Variants in FBLN2 observed in about 807,000 individuals in gnomAD.
FBLN2 encodes the protein fibulin 2, also known as fibulin-2.
A neutral mutation model predicts 123.7 loss-of-function variants in FBLN2; 81 were observed. The observed-to-expected ratio is 0.65, with a 90% confidence interval of 0.55 to 0.79. FBLN2 has a LOEUF of 0.79. Among genes scored for constraint, FBLN2 ranks in the 30% least tolerant of loss-of-function variants. The probability of loss-of-function intolerance (pLI) is 0.00; values close to 1 mark genes in which losing one functional copy is unlikely to be tolerated. For missense variants in FBLN2, 1,603 were observed against 1,681.3 expected (o/e 0.95, Z 0.81); for synonymous variants, 699 against 701.4 (o/e 1.00, Z 0.05).
chr3:13,549,911 C>G (rs1224384745), intron 1 of FBLN2, among the ~76,000 whole-genome samples: 2 of 152,200 alleles, frequency 1.3e-5, no homozygotes, highest in Admixed American at 6.5e-5. Flanking sequence ...CCGAGGCATG[C>G]CTCTAGCAGA....
intron 1 of FBLN2, among the ~76,000 whole-genome samples, chr3:13,560,490 C>T (rs190624963): frequency 6.6e-6 from 1 of 152,140 alleles, no homozygotes; most frequent in Non-Finnish European, 1.5e-5. Context: ...TCTCACACCA[C>T]CCACCTGTGT....
At chr3:13,620,233 G>T (rs1057233559) in intron 8 of FBLN2, among the ~76,000 whole-genome samples, 2 of 152,204 alleles carry the variant, frequency 1.3e-5, no homozygotes, top group East Asian at 1.9e-4. Flanking sequence ...GAGAATTTGT[G>T]CTTCTAACAA....
At chr3:13,554,506 G>A (rs2138519) in intron 1 of FBLN2, among the ~76,000 whole-genome samples, 116,202 of 152,174 alleles carry the variant, frequency 0.76, 45,567 homozygotes, top group East Asian at 1. Flanking sequence ...GCATGCATGC[G>A]CGTGCCCACA....
chr3:13,630,611 T>C, intron 14 of FBLN2, 88 bp from the exon 15 acceptor site: 2 of 1,105,340 alleles, frequency 1.8e-6, no homozygotes, highest in Non-Finnish European at 2.6e-6. Context: ...CCGGGGAGCT[T>C]GGTGGGCCTG....
At chr3:13,576,060 T>G (rs943424535) in intron 2 of FBLN2, among the ~76,000 whole-genome samples, 1 of 152,168 alleles carries the variant, frequency 6.6e-6, no homozygotes, top group Non-Finnish European at 1.5e-5. Flanking sequence ...GAAGCAGAGT[T>G]GGCAGGGGTG....
Position 13,609,751 on chromosome 3 carries a change from C to T in FBLN2, c.1548+109C>T, listed in dbSNP as rs538293252. 94 of 1,349,110 alleles carry T rather than the reference C, an allele frequency of 7.0e-5. No homozygotes were observed. In the South Asian group the frequency reaches 1.2e-3, roughly 17 times the overall value. The allele number at this position is 1,349,110 out of a possible 1,614,324, so 83.6% of individuals were successfully genotyped here. A position where few individuals can be genotyped will look rare whatever the true frequency, so the allele number is the denominator to read the frequency against. On this transcript the variant is annotated intron_variant, in intron 4 of 17. Coordinates refer to ENST00000404922, the MANE Select transcript of FBLN2 (RefSeq NM_001004019.2). ...AAGAAGTTAGGCTGTCCTTGGGGCT[C>T]CTCCTGGGAGTGACCCTCACGCCTG...
intron 1 of FBLN2, among the ~76,000 whole-genome samples, chr3:13,567,675 A>T (rs1703790324): frequency 6.6e-6 from 1 of 151,968 alleles, no homozygotes; most frequent in African/African-American, 2.4e-5. Context: ...TCCTTTCTTA[A>T]AAGACACTGT....
intron 2 of FBLN2, among the ~76,000 whole-genome samples, chr3:13,601,420 A>T (rs1464953319): frequency 6.6e-6 from 1 of 152,348 alleles, no homozygotes; most frequent in East Asian, 1.9e-4. Flanking sequence ...GGGACGAGAC[A>T]TTGAATGGTG....
chr3:13,572,810 G>A (rs573299423), intron 2 of FBLN2, among the ~76,000 whole-genome samples: 1 of 152,360 alleles, frequency 6.6e-6, no homozygotes, highest in East Asian at 1.9e-4. Context: ...CCACGAGGCT[G>A]ACCCCTTCCT....
chr3:13,579,625 C>G (rs1186873171), intron 2 of FBLN2, among the ~76,000 whole-genome samples: 1 of 152,184 alleles, frequency 6.6e-6, no homozygotes, highest in African/African-American at 2.4e-5. Context: ...ATGGAAAGTC[C>G]CCTTTCTGTG....
At chr3:13,555,675 C>T (rs1037262541) in intron 1 of FBLN2, among the ~76,000 whole-genome samples, 6 of 152,098 alleles carry the variant, frequency 3.9e-5, no homozygotes, top group South Asian at 2.1e-4. Context: ...AGGATGGTCT[C>T]GATCTCCTGA....
In FBLN2 at chr3:13,609,954, G is replaced by A. The variant is rs1022599548; in HGVS notation, c.1548+312G>A. Among the ~76,000 whole-genome samples, 37 of 152,342 alleles carry A rather than the reference G, an allele frequency of 2.4e-4. 1 individual carries two copies. The highest frequency in any genetic ancestry group is 1.5e-3 in the East Asian group (8 of 5,190). ...ATTTCTTTCTGGCCAGGAAGACAGA[G>A]GAAGATCACGATGAATATTTTAGCA... On this transcript the variant is annotated intron_variant, in intron 4 of 17. Coordinates refer to ENST00000404922, the MANE Select transcript of FBLN2 (RefSeq NM_001004019.2).
At chr3:13,569,983 T>C (rs936327628) in intron 1 of FBLN2, among the ~76,000 whole-genome samples, 1 of 152,070 alleles carries the variant, frequency 6.6e-6, no homozygotes, top group Non-Finnish European at 1.5e-5. Flanking sequence ...TGTGCATGTG[T>C]GTGTGTGGGC....
intron 10 of FBLN2, among the ~76,000 whole-genome samples, chr3:13,627,151 G>A (rs1230223019): frequency 6.6e-6 from 1 of 151,960 alleles, no homozygotes; most frequent in African/African-American, 2.4e-5. Context: ...GTAAGTGGTG[G>A]GTTCAAGGAG....
At chr3:13,620,056 A>G (rs1705795515) in intron 8 of FBLN2, among the ~76,000 whole-genome samples, 1 of 152,060 alleles carries the variant, frequency 6.6e-6, no homozygotes, top group Non-Finnish European at 1.5e-5. Flanking sequence ...GTGGCTGCAT[A>G]GGAATGGGGC....
intron 2 of FBLN2, among the ~76,000 whole-genome samples, chr3:13,595,503 G>C (rs892513784): frequency 6.6e-6 from 1 of 152,094 alleles, no homozygotes; most frequent in Non-Finnish European, 1.5e-5. Flanking sequence ...CGCCTCCACA[G>C]ACCTTCAGGT....
intron 16 of FBLN2, among the ~76,000 whole-genome samples, chr3:13,634,481 A>G (rs1444662847): frequency 6.6e-6 from 1 of 152,228 alleles, no homozygotes; most frequent in African/African-American, 2.4e-5. Flanking sequence ...GAGCCAAAGC[A>G]AAAAGCTCCC....
At chr3:13,606,443 C>T (rs566023038) in intron 2 of FBLN2, among the ~76,000 whole-genome samples, 3 of 152,156 alleles carry the variant, frequency 2.0e-5, no homozygotes, top group African/African-American at 7.2e-5. Context: ...TCTCCCCTAC[C>T]TTTGACTCCT....
chr3:13,555,578 C>A (rs1195395460), intron 1 of FBLN2, among the ~76,000 whole-genome samples: 2 of 152,132 alleles, frequency 1.3e-5, no homozygotes, highest in Non-Finnish European at 2.9e-5. Flanking sequence ...CCTCAGCCTC[C>A]CGAGTAGCTG....
Sources: gnomAD v4.1 joint callset for allele counts (sites outside exome capture counted in the v4.1 genomes callset) on GRCh38, gnomAD v4.1.1 for gene constraint, MANE v1.5 for transcripts, NCBI Gene and HGNC (gene_info 2026-07-23, HGNC 2026-07-21) for gene names.